NREP: variants seen among roughly 807,000 people sequenced by gnomAD.
The protein encoded by NREP is neuronal regeneration-related protein.
Under a neutral mutation model 8.6 loss-of-function variants are expected in NREP, and 5 were observed. The ratio of observed to expected loss-of-function variants is 0.58; its 90% CI spans 0.30 to 1.22. The LOEUF (loss-of-function observed/expected upper bound fraction) is 1.22. NREP is among the 50% of genes most tolerant of loss of function. The pLI is 0.07. For synonymous variants in NREP, 27 were observed against 28.0 expected (o/e 0.96, Z 0.11); for missense variants, 86 against 82.5 (o/e 1.04, Z -0.17).
chr5:111,933,471 G>A (rs1277098552), intron 2 of NREP, among the ~76,000 whole-genome samples: 1 of 152,040 alleles, frequency 6.6e-6, no homozygotes, highest in Non-Finnish European at 1.5e-5. Flanking sequence ...TTGCACCTTG[G>A]CCCTAGTGGC....
intron 2 of NREP, among the ~76,000 whole-genome samples, chr5:111,745,445 G>A (rs932847293): frequency 1.3e-5 from 2 of 152,180 alleles, no homozygotes; most frequent in African/African-American, 4.8e-5. Flanking sequence ...GGAAGGAAAT[G>A]TCCAGCACAA....
chr5:111,809,568 A>G (rs1005391589), intron 2 of NREP, among the ~76,000 whole-genome samples: 4 of 152,072 alleles, frequency 2.6e-5, no homozygotes, highest in Admixed American at 2.6e-4. Context: ...AGTTTCTGTG[A>G]GAGTGGATTC....
chr5:111,972,962 A>T (rs528865966), intron 2 of NREP, among the ~76,000 whole-genome samples: 3 of 152,284 alleles, frequency 2.0e-5, no homozygotes, highest in Admixed American at 1.3e-4. Flanking sequence ...GCAACAGGAG[A>T]GCACTAAATC....
rs562898027 is a variant in NREP at position 111,854,440 on chromosome 5, C to G, written c.136-118933G>C. Among the ~76,000 whole-genome samples, 11 of 152,288 alleles carry G rather than the reference C, an allele frequency of 7.2e-5. No individual in the cohort carries two copies. In the South Asian group the frequency reaches 2.1e-3, roughly 29 times the overall value. ...TGAGCACTCCCAGGGTGCCAGAAGT[C>G]TGGCAGCCCAGGTTCACTGAGATGA... On this transcript the variant is annotated intron_variant, in intron 2 of 3. Coordinates refer to the NREP transcript ENST00000395634.
chr5:111,875,899 G>A (rs1038056839), intron 2 of NREP, among the ~76,000 whole-genome samples: 1 of 152,168 alleles, frequency 6.6e-6, no homozygotes, highest in Non-Finnish European at 1.5e-5. Flanking sequence ...ACAGAGAGGG[G>A]TCCTGGAAAA....
intron 2 of NREP, among the ~76,000 whole-genome samples, chr5:111,935,794 G>A (rs1052534005): frequency 6.6e-6 from 1 of 151,992 alleles, no homozygotes; most frequent in African/African-American, 2.4e-5. Flanking sequence ...TATGCCCCAG[G>A]CTTTAGTACC....
intron 2 of NREP, among the ~76,000 whole-genome samples, chr5:111,957,368 T>C (rs898586889): frequency 6.6e-6 from 1 of 152,036 alleles, no homozygotes; most frequent in Non-Finnish European, 1.5e-5. Flanking sequence ...AAAATCTCAA[T>C]GGAGAGTCAA....
intron 2 of NREP, among the ~76,000 whole-genome samples, chr5:111,819,059 T>C (rs1752457232): frequency 6.6e-6 from 1 of 152,236 alleles, no homozygotes; most frequent in African/African-American, 2.4e-5. Flanking sequence ...TCTCTTATTC[T>C]TTGATTCTCC....
intron 2 of NREP, among the ~76,000 whole-genome samples, chr5:111,954,622 T>C (rs533134646): frequency 5.1e-4 from 78 of 152,226 alleles, no homozygotes; most frequent in Non-Finnish European, 7.9e-4. Context: ...GCTCAAAAAA[T>C]ATTGATGTCA....
intron 2 of NREP, among the ~76,000 whole-genome samples, chr5:111,743,196 T>C (rs139207147): frequency 5.2e-4 from 79 of 152,044 alleles, no homozygotes; most frequent in African/African-American, 1.9e-3. Flanking sequence ...GGTTTGAGAT[T>C]ATGCAGTTGT....
rs189697755 is a variant in NREP, at chr5:111,910,059, A to G, written c.135+65215T>C. ...ATAATTTACTGTTATCATATAATGC[A>G]CATTTGCAAGAGAACATATATTACT... On this transcript the variant is annotated intron_variant, in intron 2 of 3. Transcript: ENST00000395634. Among the ~76,000 whole-genome samples, 212 of 152,262 alleles carry G rather than the reference A, an allele frequency of 1.4e-3. 1 individual carries two copies. The highest frequency in any genetic ancestry group is 2.4e-3 in the Non-Finnish European group (163 of 67,996).
chr5:111,753,354 G>A (rs10900674), intron 2 of NREP, among the ~76,000 whole-genome samples: 27 of 128,830 alleles, frequency 2.1e-4, no homozygotes, highest in South Asian at 1.7e-3. Flanking sequence ...ATATATATAT[G>A]TATATATATA....
chr5:111,893,349 GA>G (rs1754437027), intron 2 of NREP, among the ~76,000 whole-genome samples: 1 of 152,038 alleles, frequency 6.6e-6, no homozygotes, highest in Non-Finnish European at 1.5e-5. Flanking sequence ...GGGCTTTTAA[GA>G]AAAGAAATAG....
At chr5:111,756,295 T>TAAAA in intron 1 of NREP, 1 of 354,000 alleles carries the variant, frequency 2.8e-6, no homozygotes, top group Non-Finnish European at 3.3e-6. Flanking sequence ...CCTTCCGTGT[T>TAAAA]TAAAAAAAAA....
intron 2 of NREP, among the ~76,000 whole-genome samples, chr5:111,752,146 A>T (rs1750400550): frequency 6.6e-6 from 1 of 152,230 alleles, no homozygotes; most frequent in Admixed American, 6.5e-5. Context: ...AATTTCTTCA[A>T]TGTATTTATG....
At chr5:111,775,031 C>T (rs1014641418) in intron 2 of NREP, among the ~76,000 whole-genome samples, 4 of 152,100 alleles carry the variant, frequency 2.6e-5, no homozygotes, top group Admixed American at 6.6e-5. Context: ...CCTGAAGAAT[C>T]ACAGTAATAG....
rs1413789066 is a variant in NREP at position 111,961,612 on chromosome 5, G to T, written c.135+13662C>A. 5.9e-5 allele frequency among the ~76,000 whole-genome samples: 9 copies of T among 152,156 alleles called. No individual in the cohort carries two copies. The East Asian group carries it at 1.7e-3, about 29-fold the overall frequency. On this transcript the variant is annotated intron_variant, in intron 2 of 3. Transcript: ENST00000395634. ...ATAAATTTTGCCATTTTTCTAAGAG[G>T]AAAAATACTTGCTTTTATTTACTCT...
At chr5:111,900,041 T>G (rs1754605271) in intron 2 of NREP, among the ~76,000 whole-genome samples, 1 of 152,134 alleles carries the variant, frequency 6.6e-6, no homozygotes. Flanking sequence ...GACCATATAT[T>G]AGGACACAAA....
intron 2 of NREP, among the ~76,000 whole-genome samples, chr5:111,836,533 T>C (rs1752898975): frequency 6.6e-6 from 1 of 152,166 alleles, no homozygotes; most frequent in African/African-American, 2.4e-5. Flanking sequence ...TCTACATCAA[T>C]ATTAGTGGTA....
Sources: allele counts gnomAD v4.1 joint callset (sites outside exome capture counted in the v4.1 genomes callset), GRCh38; gene constraint gnomAD v4.1.1; transcripts MANE v1.5; gene names NCBI Gene and HGNC (gene_info 2026-07-23, HGNC 2026-07-21).